The following GSG1L2 variants were observed in gnomAD, a reference collection of about 807,000 sequenced individuals.
GSG1L2 encodes the protein germ cell-specific gene 1-like protein 2.
A neutral mutation model predicts 9.0 loss-of-function variants in GSG1L2; 15 were observed. That is an observed-to-expected ratio of 1.67 (90% CI 1.12 to 2.57). The LOEUF (loss-of-function observed/expected upper bound fraction) is 2.57. Ranked by LOEUF, GSG1L2 falls within the 30% of genes most tolerant of loss-of-function variation. The probability of loss-of-function intolerance (pLI) is 0.00; values close to 1 mark genes in which losing one functional copy is unlikely to be tolerated. For missense variants in GSG1L2, 286 were observed against 150.3 expected (o/e 1.90, Z -4.72); for synonymous variants, 127 against 57.9 (o/e 2.19, Z -5.41).
intron 1 of GSG1L2, among the ~76,000 whole-genome samples, chr17:9,816,653 G>GTGTA (rs2066564760): frequency 8.2e-6 from 1 of 121,454 alleles, no homozygotes. Context: ...GTCTGTGTGT[G>GTGTA]TCTGTGTGTG....
At chr17:9,814,480 C>A (rs2066551799) in intron 1 of GSG1L2, among the ~76,000 whole-genome samples, 1 of 152,002 alleles carries the variant, frequency 6.6e-6, no homozygotes, top group Admixed American at 6.6e-5. Context: ...GAGACGAGGC[C>A]AGCACAGAGC....
intron 1 of GSG1L2, among the ~76,000 whole-genome samples, chr17:9,813,994 G>T (rs992451076): frequency 1.4e-4 from 22 of 151,804 alleles, no homozygotes; most frequent in African/African-American, 5.3e-4. Context: ...GTGTGCAATG[G>T]CATGATCTTG....
rs965062837 is a variant in GSG1L2, at chr17:9,800,694, C to G, written c.*1692G>C. Among the ~76,000 whole-genome samples the G allele has an allele frequency of 1.3e-4, 20 of 152,244 alleles. No homozygotes were observed. Among genetic ancestry groups the G allele is most frequent in the Admixed American group, 1.2e-3 (19 of 15,288 alleles). ...CACAACAGCGAATTCAGCGAAGTCT[C>G]TCTCCAGTGTATTTCATTCCCTGTA... On this transcript the variant is annotated 3_prime_UTR_variant, in exon 5 of 5. Transcript: ENST00000399363.
At chr17:9,818,396 C>A (rs927932214) in intron 1 of GSG1L2, among the ~76,000 whole-genome samples, 1 of 151,372 alleles carries the variant, frequency 6.6e-6, no homozygotes, top group Non-Finnish European at 1.5e-5. Flanking sequence ...TGTAATGGTG[C>A]GATCTCGGCT....
chr17:9,811,951 G>A (rs2066540553), intron 1 of GSG1L2, among the ~76,000 whole-genome samples: 1 of 151,992 alleles, frequency 6.6e-6, no homozygotes, highest in Admixed American at 6.6e-5. Context: ...ACTCTTCAAA[G>A]GAATGGCATT....
chr17:9,812,444 C>T (rs1275547738), intron 1 of GSG1L2, among the ~76,000 whole-genome samples: 1 of 152,082 alleles, frequency 6.6e-6, no homozygotes, highest in East Asian at 1.9e-4. Context: ...CCCAGCACCA[C>T]CCAGCATTCA....
intron 1 of GSG1L2, among the ~76,000 whole-genome samples, chr17:9,819,690 T>C (rs1485483667): frequency 1.3e-5 from 2 of 152,252 alleles, no homozygotes; most frequent in Admixed American, 6.5e-5. Context: ...TGGAGTGCAA[T>C]GGTACCATCT....
chr17:9,818,296 G>A (rs1231572251), intron 1 of GSG1L2, among the ~76,000 whole-genome samples: 2 of 151,984 alleles, frequency 1.3e-5, no homozygotes, highest in Non-Finnish European at 2.9e-5. Context: ...AGAGAAGGGG[G>A]AAGGTGGCAC....
rs994235288 is a variant in GSG1L2, at chr17:9,802,306, A to C, written c.*80T>G. ...CCTGGACAACAATCTCCTGAAGTCC[A>C]ACCCAGAGGCAGGGTGTACATTGTG... On this transcript the variant is annotated 3_prime_UTR_variant, in exon 5 of 5. Transcript: ENST00000399363. 1.7e-6 allele frequency: 1 copy of C among 590,320 alleles called. No homozygotes were observed. The allele number at this position is 590,320 out of a possible 1,614,324, so 36.6% of individuals were successfully genotyped here.
Position 9,802,362 on chromosome 17 carries a change from G to A in GSG1L2, c.*24C>T, listed in dbSNP as rs1022548648. The A allele has an allele frequency of 3.3e-5, 21 of 628,984 alleles. No homozygotes were observed. Among genetic ancestry groups the A allele is most frequent in the Admixed American group, 1.3e-4 (5 of 39,974 alleles). 39.0% of individuals were successfully genotyped at this position (628,984 alleles called of 1,614,324 possible). ...CAGTGCCTGGCTTGTTTGCCTGTGC[G>A]GATGTGGCAGCCATGGACACTGGCT... is the stretch of plus-strand genomic sequence containing the variant. On this transcript the variant is annotated 3_prime_UTR_variant, in exon 5 of 5. Coordinates refer to ENST00000399363, the MANE Select transcript of GSG1L2 (RefSeq NM_001310219.2).
intron 2 of GSG1L2, 179 bp downstream of exon 2, chr17:9,810,392 G>T: frequency 1.7e-6 from 1 of 592,360 alleles, no homozygotes; most frequent in Non-Finnish European, 3.0e-6. Context: ...TTAAACATTT[G>T]CCAGCACACC....
intron 1 of GSG1L2, among the ~76,000 whole-genome samples, chr17:9,814,411 A>G (rs150643331): frequency 3.3e-3 from 501 of 152,266 alleles, no homozygotes; most frequent in African/African-American, 0.011. Context: ...TACCTAATGC[A>G]CGGAGAAGTG....
chr17:9,809,138 A>T, intron 2 of GSG1L2, 156 bp from the exon 3 acceptor site: 1 of 594,352 alleles, frequency 1.7e-6, no homozygotes, highest in Non-Finnish European at 3.1e-6. Context: ...TTAGCTGGCA[A>T]TGGAAAGGCA....
At chr17:9,806,679 C>T (rs2066517319) in intron 4 of GSG1L2, among the ~76,000 whole-genome samples, 1 of 152,222 alleles carries the variant, frequency 6.6e-6, no homozygotes, top group South Asian at 2.1e-4. Context: ...ACTACACTCT[C>T]AACTGTGTAA....
intron 2 of GSG1L2, chr17:9,809,992 G>A (rs2066533119): frequency 6.5e-6 from 1 of 153,110 alleles, no homozygotes. Context: ...TGGCTTCAAG[G>A]AACTCTGTTG....
At chr17:9,817,818 G>C (rs1325695111) in intron 1 of GSG1L2, among the ~76,000 whole-genome samples, 1 of 151,986 alleles carries the variant, frequency 6.6e-6, no homozygotes, top group East Asian at 1.9e-4. Context: ...AGCTGTCTCA[G>C]GTGACATGGA....
chr17:9,803,509 T>C (rs2066505406), intron 4 of GSG1L2, among the ~76,000 whole-genome samples: 1 of 152,214 alleles, frequency 6.6e-6, no homozygotes, highest in South Asian at 2.1e-4. Context: ...GTTGGGAACA[T>C]GGTAATTAGC....
intron 1 of GSG1L2, among the ~76,000 whole-genome samples, chr17:9,816,664 C>CGTGTGTCTGT (rs1491058549): frequency 7.6e-6 from 1 of 132,128 alleles, no homozygotes; most frequent in African/African-American, 2.8e-5. Context: ...TCTGTGTGTG[C>CGTGTGTCTGT]GTGTGTGTCT....
intron 1 of GSG1L2, among the ~76,000 whole-genome samples, chr17:9,815,759 C>T (rs937082976): frequency 6.6e-6 from 1 of 152,176 alleles, no homozygotes; most frequent in South Asian, 2.1e-4. Flanking sequence ...TGTCCTGATA[C>T]AAGAATATAG....
Sources: gnomAD v4.1 joint callset for allele counts (sites outside exome capture counted in the v4.1 genomes callset) on GRCh38, gnomAD v4.1.1 for gene constraint, MANE v1.5 for transcripts, NCBI Gene and HGNC (gene_info 2026-07-23, HGNC 2026-07-21) for gene names.